LAMA4: variants seen among roughly 807,000 people sequenced by gnomAD.
The protein encoded by LAMA4 is laminin subunit alpha-4.
A neutral mutation model predicts 207.1 loss-of-function variants in LAMA4; 127 were observed. The ratio of observed to expected loss-of-function variants is 0.61; its 90% CI spans 0.53 to 0.71. The LOEUF (loss-of-function observed/expected upper bound fraction) is 0.71, where lower values mean the gene tolerates loss of function less well. Ranked by LOEUF, LAMA4 falls within the 30% of genes least tolerant of loss-of-function variation. The probability of loss-of-function intolerance (pLI) is 0.00; values close to 1 mark genes in which losing one functional copy is unlikely to be tolerated. For missense variants in LAMA4, 2,093 were observed against 2,246.5 expected (o/e 0.93, Z 1.38); for synonymous variants, 761 against 816.0 (o/e 0.93, Z 1.15).
At position 112,131,033 on chromosome 6, in the gene LAMA4, C is replaced by T. The variant is rs781870611; in HGVS notation, c.3903G>A (p.Gln1301=). 6.2e-7 allele frequency: 1 copy of T among 1,612,928 alleles called. No homozygotes were observed. Among genetic ancestry groups the T allele is most frequent in the African/African-American group, 1.3e-5 (1 of 74,876 alleles). Residue 1301 remains glutamine, a synonymous_variant, in exon 29 of 39, where the codon CAG becomes CAA. Transcript: ENST00000230538. ...VIMDVKGIKV[Q]SVDKQYNDGL... is the part of the protein sequence containing the mutation. Reference sequence around the variant, plus strand: ...CATCATTGTACTGCTTATCTACTGACTGAACTTTGATTCCCTTTACATCCA... The same window carrying T: ...CATCATTGTACTGCTTATCTACTGATTGAACTTTGATTCCCTTTACATCCA...
At chr6:112,218,280 T>A (rs1194990960) in intron 2 of LAMA4, 1 of 152,112 alleles carries the variant, frequency 6.6e-6, no homozygotes, top group Admixed American at 6.6e-5. Flanking sequence ...AGCTTCTGAT[T>A]CAGTGAAACC....
At chr6:112,150,386 C>T (rs1780322621) in intron 17 of LAMA4, 125 bp downstream of exon 17, 1 of 793,104 alleles carries the variant, frequency 1.3e-6, no homozygotes. Context: ...CGTATTTTGT[C>T]ATCAGAAAAT....
At chr6:112,155,878 C>T (rs1780683198) in intron 14 of LAMA4, 172 bp from the exon 15 acceptor site, 1 of 717,134 alleles carries the variant, frequency 1.4e-6, no homozygotes, top group South Asian at 1.7e-5. Context: ...CTGCATTCTT[C>T]TGTCTTTGCT....
chr6:112,185,407 A>G (rs1295240707), intron 8 of LAMA4, 60 bp from the exon 9 acceptor site: 2 of 983,288 alleles, frequency 2.0e-6, no homozygotes, highest in East Asian at 2.4e-5. Context: ...AAAAATGTAC[A>G]TAAAACTCTT....
chr6:112,185,174 C>G (rs1324238362), intron 9 of LAMA4, 63 bp downstream of exon 9: 1 of 1,106,450 alleles, frequency 9.0e-7, no homozygotes, highest in Admixed American at 1.7e-5. Context: ...GACCAGCCAG[C>G]CTCACATCAG....
At chr6:112,144,225 A>C (rs949927090) in intron 19 of LAMA4, among the ~76,000 whole-genome samples, 3 of 152,110 alleles carry the variant, frequency 2.0e-5, no homozygotes, top group Non-Finnish European at 4.4e-5. Context: ...TTGCTTCTAT[A>C]TGTGTCCCAA....
intron 16 of LAMA4, 149 bp downstream of exon 16, chr6:112,154,702 T>C: frequency 1.5e-6 from 1 of 672,758 alleles, no homozygotes; most frequent in South Asian, 1.7e-5. Context: ...TTTGCTCTTT[T>C]GTAACTTGAC....
chr6:112,187,442 C>T lies in LAMA4; in HGVS notation c.966+8G>A, dbSNP rs1352384070. On this transcript the variant is annotated splice_region_variant and intron_variant, in intron 8 of 38. Transcript: ENST00000230538. ...AAACAGAGTGGAAAGTAGAACATTCCTGCGTACTTTGAGGAGGTAGATGGT... is the reference window on the plus strand; with the variant it reads ...AAACAGAGTGGAAAGTAGAACATTCTTGCGTACTTTGAGGAGGTAGATGGT... 1.9e-6 allele frequency: 3 copies of T among 1,613,896 alleles called. No homozygotes were observed. Among genetic ancestry groups the T allele is most frequent in the African/African-American group, 2.7e-5 (2 of 74,902 alleles).
rs112599642 is a variant in LAMA4, at chr6:112,254,525, G to T, written c.-208C>A. On this transcript the variant is annotated 5_prime_UTR_variant, in exon 1 of 39. Transcript: ENST00000230538. ...CAGCGCTAGGCCACCTCCTCTCCCT[G>T]GCCGTTCGGGACTGGGGACTGCGCT... The T allele has an allele frequency of 1.2e-3, 434 of 355,788 alleles. 3 individuals are homozygous for T. Among genetic ancestry groups the T allele is most frequent in the Middle Eastern group, 4.8e-3 (5 of 1,050 alleles). The allele number at this position is 355,788 out of a possible 1,614,324, so 22.0% of individuals were successfully genotyped here.
chr6:112,209,794 A>G (rs1554355758), intron 3 of LAMA4, among the ~76,000 whole-genome samples: 1 of 152,200 alleles, frequency 6.6e-6, no homozygotes, highest in African/African-American at 2.4e-5. Context: ...TGACAACAAT[A>G]AAAAAGGTAT....
intron 2 of LAMA4, among the ~76,000 whole-genome samples, chr6:112,246,224 G>C (rs1554188623): frequency 2.6e-5 from 4 of 152,182 alleles, no homozygotes; most frequent in African/African-American, 9.6e-5. Flanking sequence ...TCTTCTGTAT[G>C]GTCACTATAC....
Position 112,117,877 on chromosome 6 carries a change from T to C in LAMA4, c.4843A>G (p.Ser1615Gly), listed in dbSNP as rs1554324556. The change falls in exon 35 of 39, where the codon AGT becomes GGT. Residue 1615 changes from serine to glycine, a missense_variant. Physicochemically the swap from Ser to Gly is moderately conservative, Grantham distance 56 (BLOSUM62 0). This residue lies in a region of LAMA4 where 383 missense variants were observed against 437.8 expected (regional missense o/e 0.87). Coordinates refer to ENST00000230538, the MANE Select transcript of LAMA4 (RefSeq NM_001105206.3). The surrounding 1 kb of genome is among the most constrained non-coding windows in gnomAD (Gnocchi z 4.5). ...AGCTGGAGATTGCTGAGACAGCCAC[T>C]AAAACTGTAGATGGAGTTAATCTGA... ...NVQINSIYSF[S>G]GCLSNLQLNG... 2 of 1,613,474 alleles carry C rather than the reference T, an allele frequency of 1.2e-6. No homozygotes were observed. The highest frequency in any genetic ancestry group is 1.7e-6 in the Non-Finnish European group (2 of 1,179,536).
In LAMA4 at chr6:112,248,620, T is replaced by C. The variant is rs374888745; in HGVS notation, c.195+5336A>G. 2.5e-3 allele frequency among the ~76,000 whole-genome samples: 380 copies of C among 152,346 alleles called. 3 individuals are homozygous for C. The highest frequency in any genetic ancestry group is 7.8e-3 in the African/African-American group (324 of 41,580). ...CCTGGAACACTAGGGAATGGAATTC[T>C]TTACTTTTTAGCAATGTTATAATAA... On this transcript the variant is annotated intron_variant, in intron 2 of 38. Transcript: ENST00000230538.
intron 2 of LAMA4, among the ~76,000 whole-genome samples, chr6:112,228,267 C>T (rs963945815): frequency 3.3e-5 from 5 of 152,144 alleles, no homozygotes; most frequent in Non-Finnish European, 5.9e-5. Context: ...AGCTGAACTA[C>T]GGAATTTAGA....
At chr6:112,185,056 G>A (rs550882223) in intron 9 of LAMA4, among the ~76,000 whole-genome samples, 181 bp downstream of exon 9, 4 of 152,160 alleles carry the variant, frequency 2.6e-5, no homozygotes, top group South Asian at 2.1e-4. Flanking sequence ...GAGAGGAGAC[G>A]GTAGAGACTG....
Position 112,119,438 on chromosome 6 carries a change from AAATGGCCCCATCTCTG to A in LAMA4, c.4666-143_4666-128del, listed in dbSNP as rs377327397. 1,721 of 1,008,982 alleles carry A rather than the reference AAATGGCCCCATCTCTG, an allele frequency of 1.7e-3. 16 individuals carry two copies. In the African/African-American group the frequency reaches 0.025, roughly 15 times the overall value. 62.5% of individuals were successfully genotyped at this position (1,008,982 alleles called of 1,614,324 possible). A position where few individuals can be genotyped will look rare whatever the true frequency, so the allele number is the denominator to read the frequency against. On this transcript the variant is annotated intron_variant, in intron 33 of 38. Coordinates refer to ENST00000230538, the MANE Select transcript of LAMA4 (RefSeq NM_001105206.3). The stretch of plus-strand genomic sequence containing the variant: ...GAAATCTTCAGAAAGTTTATTTTTA[AAATGGCCCCATCTCTG>A]AAGGTCAGGAGTTTATCTCTTCTGT...
At chr6:112,149,149 ATAAT>A (rs1228401419) in intron 17 of LAMA4, among the ~76,000 whole-genome samples, 1 of 133,174 alleles carries the variant, frequency 7.5e-6, no homozygotes, top group African/African-American at 3.1e-5. Flanking sequence ...TAATATATAA[ATAAT>A]AAATAATTTA....
chr6:112,148,289 C>A lies in LAMA4; in HGVS notation c.2221G>T (p.Ala741Ser). 6.2e-7 allele frequency: 1 copy of A among 1,614,182 alleles called. No homozygotes were observed. Among genetic ancestry groups the A allele is most frequent in the Non-Finnish European group, 8.5e-7 (1 of 1,180,026 alleles). Residue 741 changes from alanine (A) to serine (S), a missense_variant, in exon 18 of 39, where the codon GCC (alanine) becomes TCC (serine). Ala to Ser is a moderately conservative substitution (Grantham distance 99). Coordinates refer to ENST00000230538, the MANE Select transcript of LAMA4 (RefSeq NM_001105206.3). ...TGCACCTCCATCGTCGTCCTGTTGGCTTCCTCGGTGATCAGTCTAGACTGC... is the reference window on the plus strand; with the variant it reads ...TGCACCTCCATCGTCGTCCTGTTGGATTCCTCGGTGATCAGTCTAGACTGC... Reference protein sequence around the residue: ...LGQSRLITEEANRTTMEVQQA... With the variant: ...LGQSRLITEESNRTTMEVQQA...
At chr6:112,201,805 T>C in intron 4 of LAMA4, 117 bp from the exon 5 acceptor site, 1 of 864,864 alleles carries the variant, frequency 1.2e-6, no homozygotes, top group East Asian at 2.4e-5. Flanking sequence ...GGTGCAATCA[T>C]TTTCTTTATT....
Sources: gnomAD v4.1 joint callset for allele counts (sites outside exome capture counted in the v4.1 genomes callset) on GRCh38, gnomAD v4.1.1 for gene constraint, gnomAD v4.1.1 regional missense constraint, Gnocchi (gnomAD v3.1) non-coding constraint, MANE v1.5 for transcripts, NCBI Gene and HGNC (gene_info 2026-07-23, HGNC 2026-07-21) for gene names.